CSMD2: variants seen among roughly 807,000 people sequenced by gnomAD.
CSMD2 encodes CUB and Sushi multiple domains 2, also known as CUB and sushi domain-containing protein 2.
A neutral mutation model predicts 398.5 loss-of-function variants in CSMD2; 130 were observed. The observed-to-expected ratio is 0.33, with a 90% CI of 0.28 to 0.38. The LOEUF (loss-of-function observed/expected upper bound fraction) is 0.38. Among genes scored for constraint, CSMD2 ranks in the 10% least tolerant of loss-of-function variants. CSMD2 has a pLI of 1.00. For missense variants in CSMD2, 3,829 were observed against 4,764.9 expected, an observed-to-expected ratio of 0.80 and a Z score of 5.78; for synonymous variants, 1,828 against 1,908.5, an observed-to-expected ratio of 0.96 and a Z score of 1.10.
At chr1:33,856,160 G>A (rs146629502) in intron 5 of CSMD2, among the ~76,000 whole-genome samples, 26 of 152,322 alleles carry the variant, frequency 1.7e-4, no homozygotes, top group African/African-American at 4.6e-4. Flanking sequence ...TTTTCCCCCT[G>A]CCTTGCTGGG....
chr1:33,712,361 G>A (rs547963819), intron 21 of CSMD2, among the ~76,000 whole-genome samples: 2 of 152,190 alleles, frequency 1.3e-5, no homozygotes, highest in Admixed American at 6.5e-5. Flanking sequence ...TAAAGCCCAG[G>A]GCTGTTCATC....
In CSMD2 at chr1:33,580,882, G is replaced by T. The variant is rs749464288; in HGVS notation, c.7258C>A (p.Pro2420Thr). 1 of 1,614,168 alleles carries T rather than the reference G, an allele frequency of 6.2e-7. No homozygotes were observed. The highest frequency in any genetic ancestry group is 1.7e-5 in the Admixed American group (1 of 60,032). Residue 2420 changes from proline to threonine, a missense_variant, in exon 48 of 71, where the codon CCT becomes ACT. Pro to Thr is a conservative substitution (Grantham distance 38). Coordinates refer to ENST00000373381, the MANE Select transcript of CSMD2 (RefSeq NM_001281956.2). Reference sequence around the variant, plus strand: ...TTCCCACTGAGGGCTTTCAGCAGAGGACTCTGTCCTGATGGACCTGGGGTG... The same window carrying T: ...TTCCCACTGAGGGCTTTCAGCAGAGTACTCTGTCCTGATGGACCTGGGGTG... ...EIFDGPSGQS[P>T]LLKALSGNYS... is the part of the protein sequence containing the mutation.
Position 33,905,892 on chromosome 1 carries a change from C to T in CSMD2, c.920+12202G>A, listed in dbSNP as rs141727620. 3.7e-3 allele frequency among the ~76,000 whole-genome samples: 560 copies of T among 152,306 alleles called. 2 individuals carry two copies. Among genetic ancestry groups the T allele is most frequent in the Middle Eastern group, 6.8e-3 (2 of 294 alleles). ...CTGCTCATCCCCGTTTCCTGGCTCC[C>T]TTGCAGCAAAGCTGGACTGTGTGAC... On this transcript the variant is annotated intron_variant, in intron 5 of 70. Coordinates refer to ENST00000373381, the MANE Select transcript of CSMD2 (RefSeq NM_001281956.2).
chr1:33,635,271 G>A lies in CSMD2; in HGVS notation c.5029C>T (p.Gln1677Ter). Residue 1677 changes from glutamine (Q) to a stop codon, truncating the protein, a stop_gained, in exon 31 of 71, where the codon CAG becomes TAG. Coordinates refer to ENST00000373381, the MANE Select transcript of CSMD2 (RefSeq NM_001281956.2). LOFTEE classifies it high-confidence loss of function. This position sits in a 1 kb window ranked among gnomAD's most constrained non-coding sequence, Gnocchi z 5.0. ...DGVVLSPNYPQNYTSGQICLY... is the reference protein window; with the variant it reads ...DGVVLSPNYP ...CAGATCTGTCCACTGGTGTAGTTCT[G>A]GGGGTAGTTGGGGGACAAGACCACT... is the stretch of plus-strand genomic sequence containing the variant. 1 of 1,612,174 alleles carries A rather than the reference G, an allele frequency of 6.2e-7. No homozygotes were observed. The highest frequency in any genetic ancestry group is 8.5e-7 in the Non-Finnish European group (1 of 1,179,074).
intron 3 of CSMD2, among the ~76,000 whole-genome samples, chr1:34,009,817 T>C (rs1326086638): frequency 6.6e-6 from 1 of 152,100 alleles, no homozygotes; most frequent in Non-Finnish European, 1.5e-5. Flanking sequence ...TCCTGCTGAT[T>C]TCACTCCTAT....
chr1:33,987,879 A>G (rs1361025128), intron 3 of CSMD2, among the ~76,000 whole-genome samples: 1 of 152,004 alleles, frequency 6.6e-6, no homozygotes, highest in Non-Finnish European at 1.5e-5. Flanking sequence ...CAGCCCCCAC[A>G]TCTCCACTGC....
At chr1:33,835,693 A>C (rs28834218) in intron 6 of CSMD2, among the ~76,000 whole-genome samples, 23 of 109,214 alleles carry the variant, frequency 2.1e-4, no homozygotes, top group African/African-American at 6.8e-4. Flanking sequence ...CAAAACAAAA[A>C]AAACAAACAA....
At position 33,725,348 on chromosome 1, in the gene CSMD2, C is replaced by G. The variant is rs1485260728; in HGVS notation, c.2695+1G>C. 6.2e-7 allele frequency: 1 copy of G among 1,613,542 alleles called. No homozygotes were observed. The highest frequency in any genetic ancestry group is 8.5e-7 in the Non-Finnish European group (1 of 1,179,616). On this transcript the variant is annotated splice_donor_variant, in intron 17 of 70. Transcript: ENST00000373381. LOFTEE classifies it high-confidence loss of function. The stretch of plus-strand genomic sequence containing the variant: ...CTTTTCCTGAGCCCACTGAGACTCA[C>G]TCTCATAGCGGAGCTGGAAGCCGAT...
At chr1:34,157,264 G>A (rs923690348) in intron 1 of CSMD2, among the ~76,000 whole-genome samples, 1 of 152,108 alleles carries the variant, frequency 6.6e-6, no homozygotes, top group Admixed American at 6.6e-5. Flanking sequence ...ACTGACCAAC[G>A]TTCACAAAGT....
intron 6 of CSMD2, among the ~76,000 whole-genome samples, chr1:33,831,520 ATGG>A (rs1659556426): frequency 6.6e-6 from 1 of 152,098 alleles, no homozygotes; most frequent in Non-Finnish European, 1.5e-5. Context: ...AGCACTAAAC[ATGG>A]AAAGGAACAA....
intron 2 of CSMD2, among the ~76,000 whole-genome samples, chr1:34,068,877 C>T (rs1408142649): frequency 6.6e-6 from 1 of 152,210 alleles, no homozygotes; most frequent in Non-Finnish European, 1.5e-5. Context: ...TGCTGCCATC[C>T]ATGTAAGATG....
At chr1:33,602,909 T>C (rs556451917) in intron 42 of CSMD2, among the ~76,000 whole-genome samples, 1 of 152,362 alleles carries the variant, frequency 6.6e-6, no homozygotes, top group East Asian at 1.9e-4. Flanking sequence ...GCAGTGCTTT[T>C]GCTGGGAAGA....
intron 5 of CSMD2, among the ~76,000 whole-genome samples, chr1:33,887,331 A>G (rs1472484236): frequency 6.6e-6 from 1 of 152,214 alleles, no homozygotes; most frequent in Admixed American, 6.5e-5. Flanking sequence ...ATGTTCACAG[A>G]AAGAGGAATG....
At chr1:33,818,444 T>A (rs972506359) in intron 9 of CSMD2, among the ~76,000 whole-genome samples, 36 of 152,204 alleles carry the variant, frequency 2.4e-4, no homozygotes, top group African/African-American at 8.7e-4. Flanking sequence ...ATAAACTGCT[T>A]ACACATTCAC....
At chr1:33,934,618 T>G (rs1558126677) in intron 4 of CSMD2, among the ~76,000 whole-genome samples, 1 of 152,228 alleles carries the variant, frequency 6.6e-6, no homozygotes. Context: ...TGGAAGAAGA[T>G]GGAAAGGACA....
At chr1:33,899,107 T>C (rs1341339808) in intron 5 of CSMD2, among the ~76,000 whole-genome samples, 1 of 152,208 alleles carries the variant, frequency 6.6e-6, no homozygotes, top group Non-Finnish European at 1.5e-5. Context: ...TGTGGCTAAA[T>C]GACACGGGCC....
chr1:33,855,439 A>G (rs1250120363), intron 5 of CSMD2, among the ~76,000 whole-genome samples: 1 of 152,166 alleles, frequency 6.6e-6, no homozygotes, highest in African/African-American at 2.4e-5. Context: ...AGAAGACCCC[A>G]CAGGCTTGGC....
At chr1:33,772,462 T>C in intron 13 of CSMD2, 107 bp downstream of exon 13, 1 of 929,526 alleles carries the variant, frequency 1.1e-6, no homozygotes, top group East Asian at 2.4e-5. Flanking sequence ...GTGCAGCTGT[T>C]GTTACAACCT....
intron 1 of CSMD2, among the ~76,000 whole-genome samples, chr1:34,144,001 G>T (rs1364270511): frequency 6.6e-6 from 1 of 152,056 alleles, no homozygotes; most frequent in Non-Finnish European, 1.5e-5. Flanking sequence ...GACAATGAAG[G>T]GTAGAGAAAA....
Sources: gnomAD v4.1 joint callset for allele counts (sites outside exome capture counted in the v4.1 genomes callset) on GRCh38, gnomAD v4.1.1 for gene constraint, Gnocchi (gnomAD v3.1) non-coding constraint, MANE v1.5 for transcripts, NCBI Gene and HGNC (gene_info 2026-07-23, HGNC 2026-07-21) for gene names.